The following C5 variants were observed in gnomAD, a reference collection of about 807,000 sequenced individuals.
The protein encoded by C5 is C3 and PZP-like alpha-2-macroglobulin domain-containing protein 4.
C5 carries 140 observed loss-of-function variants against 218.8 expected under a neutral mutation model. That is an observed-to-expected ratio of 0.64 (90% CI 0.56 to 0.74). The LOEUF is 0.74. Ranked by LOEUF, C5 falls within the 30% of genes least tolerant of loss-of-function variation. The pLI is 0.00. For missense variants in C5, 1,700 were observed against 1,969.6 expected (o/e 0.86, Z 2.59); for synonymous variants, 614 against 682.3 (o/e 0.90, Z 1.56).
chr9:120,974,717 G>A, intron 30 of C5, 62 bp downstream of exon 30: 6 of 1,387,124 alleles, frequency 4.3e-6, no homozygotes, highest in Non-Finnish European at 6.2e-6. Flanking sequence ...AATAAAGAGT[G>A]GAACAGATGA....
chr9:121,023,044 T>C (rs911596546), intron 10 of C5, among the ~76,000 whole-genome samples: 1 of 152,212 alleles, frequency 6.6e-6, no homozygotes, highest in Non-Finnish European at 1.5e-5. Flanking sequence ...TATCTCCATC[T>C]TAAGGCTTTT....
the C5 span, among the ~76,000 whole-genome samples, chr9:121,058,731 G>A: frequency 9.1e-4 from 138 of 152,314 alleles, no homozygotes; most frequent in African/African-American, 3.3e-3. Flanking sequence ...GAGCCACCAT[G>A]CCCGGCCTTT....
At position 121,043,700 on chromosome 9, in the gene C5, CTTTTTTT is replaced by C. The variant is rs34794535; in HGVS notation, c.259-541_259-535del. Among the ~76,000 whole-genome samples, 14 of 120,644 alleles carry C rather than the reference CTTTTTTT, an allele frequency of 1.2e-4. No individual in the cohort carries two copies. The East Asian group carries it at 1.2e-3, about 11-fold the overall frequency. 79.1% of individuals were successfully genotyped at this position (120,644 alleles called of 152,430 possible). ...GGTGTGCGCCACCATGTCCAGCTAA[CTTTTTTT>C]TTTTTTTTTTTTTGTATTTTTAATA... On this transcript the variant is annotated intron_variant, in intron 2 of 40. Transcript: ENST00000223642.
chr9:121,046,227 G>A lies in C5; in HGVS notation c.222C>T (p.Ser74=), dbSNP rs747531877. 1.9e-5 allele frequency: 31 copies of A among 1,602,980 alleles called. No individual in the cohort carries two copies. Among genetic ancestry groups the A allele is most frequent in the Non-Finnish European group, 2.6e-5 (31 of 1,171,452 alleles). ...CAGAGTTTTGGAATTTATTCTCTGAGGATAAATGAACATGGCCTGAGGAGT... is the reference window on the plus strand; with the variant it reads ...CAGAGTTTTGGAATTTATTCTCTGAAGATAAATGAACATGGCCTGAGGAGT... ...FSYSSGHVHL[S]SENKFQNSAI... is the part of the protein sequence containing the mutation. The change falls in exon 2 of 41, where the codon TCC becomes TCT. Residue 74 remains serine (S), a synonymous_variant. Transcript: ENST00000223642.
chr9:121,008,363 C>T (rs1428872219), intron 18 of C5, 45 bp downstream of exon 18: 38 of 1,411,104 alleles, frequency 2.7e-5, no homozygotes, highest in Non-Finnish European at 3.7e-5. Context: ...ATAATACTTG[C>T]ATTATCCACA....
At chr9:121,054,903 G>T (rs1452632256), upstream of C5, among the ~76,000 whole-genome samples, 3 of 151,850 alleles carry the variant, frequency 2.0e-5, no homozygotes, top group Non-Finnish European at 4.4e-5. Context: ...ACAGACGTTT[G>T]CCATTGATTC....
intron 31 of C5, among the ~76,000 whole-genome samples, chr9:120,970,847 T>C (rs989212256): frequency 1.3e-5 from 2 of 152,192 alleles, no homozygotes. Context: ...AATTTAAGAA[T>C]GCATGAAAAT....
intron 2 of C5, among the ~76,000 whole-genome samples, chr9:121,044,224 C>T (rs1185073284): frequency 2.6e-5 from 4 of 152,156 alleles, no homozygotes; most frequent in African/African-American, 9.7e-5. Flanking sequence ...CCTGTAATCC[C>T]AGCACTTTGG....
chr9:121,002,415 C>A (rs1019395367), intron 20 of C5, among the ~76,000 whole-genome samples: 6 of 149,860 alleles, frequency 4.0e-5, no homozygotes, highest in South Asian at 2.1e-4. Context: ...TGATCTCAAT[C>A]CTACAGTTGA....
rs964756385 is a variant in C5, at chr9:120,975,069, A to G, written c.3865-138T>C. On this transcript the variant is annotated intron_variant, in intron 29 of 40. Transcript: ENST00000223642. ...AGCTGACTCAGTAAGACTGGTTAAG[A>G]GCCCCATTGTGGAGGTGGAAGAAAG... is the stretch of plus-strand genomic sequence containing the variant. 135 of 913,544 alleles carry G rather than the reference A, an allele frequency of 1.5e-4. No individual in the cohort carries two copies. In the African/African-American group the frequency reaches 1.8e-3, roughly 12 times the overall value. 56.6% of individuals were successfully genotyped at this position (913,544 alleles called of 1,614,324 possible).
chr9:120,989,792 A>G lies in C5; in HGVS notation c.2942-12T>C. The G allele has an allele frequency of 6.2e-7, 1 of 1,605,790 alleles. No individual in the cohort carries two copies. Among genetic ancestry groups the G allele is most frequent in the Non-Finnish European group, 8.5e-7 (1 of 1,172,458 alleles). On this transcript the variant is annotated splice_polypyrimidine_tract_variant and intron_variant, in intron 23 of 40. Coordinates refer to ENST00000223642, the MANE Select transcript of C5 (RefSeq NM_001735.3). ...ACCTACAAGCAGTCCTGAAACAAAA[A>G]AGATCAAAGTAGACACATTGCTTTT...
chr9:121,007,304 G>A (rs2047224035), intron 18 of C5, among the ~76,000 whole-genome samples: 1 of 152,194 alleles, frequency 6.6e-6, no homozygotes, highest in Non-Finnish European at 1.5e-5. Flanking sequence ...GCAAAGTGAT[G>A]CATGTTAGCA....
Position 121,008,429 on chromosome 9 carries a change from T to C in C5, c.2327A>G (p.Glu776Gly), listed in dbSNP as rs2047233919. 1 of 1,613,378 alleles carries C rather than the reference T, an allele frequency of 6.2e-7. No individual in the cohort carries two copies. The highest frequency in any genetic ancestry group is 8.5e-7 in the Non-Finnish European group (1 of 1,179,520). The change falls in exon 18 of 41, where the codon GAA becomes GGA. Residue 776 changes from glutamate (E) to glycine (G), a missense_variant. Glu to Gly is a moderately conservative substitution (Grantham distance 98, BLOSUM62 -2). Coordinates refer to ENST00000223642, the MANE Select transcript of C5 (RefSeq NM_001735.3). ...ATACCTTCTGGGAACAAGATGAACTTCCCACAACCAGCTTTCTGGAAAATA... is the reference window on the plus strand; with the variant it reads ...ATACCTTCTGGGAACAAGATGAACTCCCCACAACCAGCTTTCTGGAAAATA... ...RSYFPESWLWEVHLVPRRKQL... is the reference protein window; with the variant it reads ...RSYFPESWLWGVHLVPRRKQL...
At chr9:121,031,017 A>G (rs2047469645) in intron 6 of C5, among the ~76,000 whole-genome samples, 1 of 152,108 alleles carries the variant, frequency 6.6e-6, no homozygotes, top group Non-Finnish European at 1.5e-5. Context: ...ATGGGTTAGG[A>G]TTATATGTTA....
the C5 span, among the ~76,000 whole-genome samples, chr9:121,074,525 G>T: frequency 6.6e-6 from 1 of 152,226 alleles, no homozygotes. Flanking sequence ...CTGTCAGAGA[G>T]AAGTGTGCTG....
chr9:120,979,735 A>T, intron 28 of C5: 1 of 288,706 alleles, frequency 3.5e-6, no homozygotes, highest in Admixed American at 4.8e-5. Context: ...AAATATAAAA[A>T]AAAGTAACTG....
rs756134024 is a variant in C5, at chr9:120,957,557, C to T, written c.4679-189G>A. Among the ~76,000 whole-genome samples, 82 of 152,292 alleles carry T rather than the reference C, an allele frequency of 5.4e-4. 1 individual carries two copies. Among genetic ancestry groups the T allele is most frequent in the Admixed American group, 1.4e-3 (22 of 15,294 alleles). On this transcript the variant is annotated intron_variant, in intron 38 of 40. Transcript: ENST00000223642. ...TCTCTCAATCTATTAGAATCATTAG[C>T]CCTGGCCAATGTTATAGAACAGGCT...
chr9:120,992,756 T>A (rs1345332979), intron 22 of C5, among the ~76,000 whole-genome samples: 1 of 152,196 alleles, frequency 6.6e-6, no homozygotes, highest in Non-Finnish European at 1.5e-5. Context: ...TTCAAATCTA[T>A]AAAATTAACA....
chr9:121,022,443 C>G (rs1441592114), intron 10 of C5, among the ~76,000 whole-genome samples: 1 of 148,156 alleles, frequency 6.7e-6, no homozygotes, highest in Non-Finnish European at 1.5e-5. Context: ...ACTGTATATG[C>G]ATTATATGAT....
Sources: allele counts gnomAD v4.1 joint callset (sites outside exome capture counted in the v4.1 genomes callset), GRCh38; gene constraint gnomAD v4.1.1; transcripts MANE v1.5; gene names NCBI Gene and HGNC (gene_info 2026-07-23, HGNC 2026-07-21).